Variants in PWWP2A observed in about 807,000 individuals in gnomAD.
PWWP2A encodes PWWP domain-containing protein 2A.
Under a neutral mutation model 48.5 loss-of-function variants are expected in PWWP2A, and 18 were observed. That is an observed-to-expected ratio of 0.37 (90% CI 0.26 to 0.55). The LOEUF (loss-of-function observed/expected upper bound fraction) is 0.55. PWWP2A is among the 20% of genes least tolerant of loss of function. PWWP2A has a pLI of 0.81. For synonymous variants in PWWP2A, 396 were observed against 387.7 expected (o/e 1.02, Z -0.25); for missense variants, 867 against 976.4 (o/e 0.89, Z 1.49).
chr5:160,112,266 G>C (rs1226611328), intron 1 of PWWP2A, among the ~76,000 whole-genome samples: 3 of 152,092 alleles, frequency 2.0e-5, no homozygotes, highest in Non-Finnish European at 4.4e-5. Flanking sequence ...TGTCATCCGG[G>C]CTAGAGTGCA....
At chr5:160,054,438 AC>A in the PWWP2A span, among the ~76,000 whole-genome samples, 1 of 151,920 alleles carries the variant, frequency 6.6e-6, no homozygotes, top group Admixed American at 6.6e-5. Context: ...ACATGGCAAG[AC>A]CCCCATCTCT....
At chr5:160,071,975 A>G (rs1172028296), downstream of PWWP2A, among the ~76,000 whole-genome samples, 1 of 152,240 alleles carries the variant, frequency 6.6e-6, no homozygotes, top group Non-Finnish European at 1.5e-5. Context: ...ATACAATCTT[A>G]GTCAAATCTC....
chr5:160,118,957 C>T lies in PWWP2A; in HGVS notation c.432G>A (p.Val144=). Residue 144 remains valine, a synonymous_variant, in exon 1 of 2, where the codon GTG becomes GTA. Coordinates refer to ENST00000307063, the MANE Select transcript of PWWP2A (RefSeq NM_001130864.2). ...CCGTGGAGTCCCCGCCCGCCGGCGG[C>T]ACGAGCGCCGGGGCTACGGGCTGAG... ...PLPQPVAPAL[V]PPAGGDSTVS... 1 of 1,598,702 alleles carries T rather than the reference C, an allele frequency of 6.3e-7. No individual in the cohort carries two copies. Among genetic ancestry groups the T allele is most frequent in the Non-Finnish European group, 8.5e-7 (1 of 1,174,248 alleles).
the PWWP2A span, chr5:160,049,608 T>G: frequency 6.2e-7 from 1 of 1,609,948 alleles, no homozygotes; most frequent in African/African-American, 1.3e-5. Context: ...TGGAAGACTA[T>G]AAATCTATAT....
downstream of PWWP2A, among the ~76,000 whole-genome samples, chr5:160,075,464 G>T (rs1561648980): frequency 1.3e-5 from 2 of 152,022 alleles, no homozygotes; most frequent in African/African-American, 4.8e-5. Context: ...TGATTCTTAG[G>T]TCAAACCCTT....
At chr5:160,090,536 G>C, downstream of PWWP2A, 1 of 983,744 alleles carries the variant, frequency 1.0e-6, no homozygotes, top group Non-Finnish European at 1.2e-6. Context: ...TTCTACTCAA[G>C]TGAAACATGT....
At chr5:160,090,668 G>T, downstream of PWWP2A, 1 of 972,562 alleles carries the variant, frequency 1.0e-6, no homozygotes, top group Non-Finnish European at 1.2e-6. Context: ...CAAGACTATT[G>T]ATTTTCAATC....
At chr5:160,100,775 T>C (rs1756192926) in intron 1 of PWWP2A, among the ~76,000 whole-genome samples, 1 of 152,206 alleles carries the variant, frequency 6.6e-6, no homozygotes, top group South Asian at 2.1e-4. Flanking sequence ...CTGGTTACGA[T>C]GTCAAAGTTT....
At chr5:160,111,764 T>C (rs113075793) in intron 1 of PWWP2A, among the ~76,000 whole-genome samples, 151 of 152,280 alleles carry the variant, frequency 9.9e-4, no homozygotes, top group African/African-American at 3.2e-3. Flanking sequence ...GTAGGGTTAA[T>C]TGATTATTCT....
chr5:160,071,361 A>G (rs774683768), downstream of PWWP2A, among the ~76,000 whole-genome samples: 10 of 152,096 alleles, frequency 6.6e-5, no homozygotes, highest in Admixed American at 2.0e-4. Flanking sequence ...CTGCCTGAAT[A>G]GATAGTGGGA....
intron 2 of PWWP2A, among the ~76,000 whole-genome samples, chr5:160,069,043 TTG>T (rs1753681716): frequency 6.6e-6 from 1 of 151,940 alleles, no homozygotes; most frequent in Admixed American, 6.6e-5. Flanking sequence ...TCCTAGCACT[TTG>T]GGAGGCTGAG....
At chr5:160,115,254 A>G (rs1436390016) in intron 1 of PWWP2A, among the ~76,000 whole-genome samples, 2 of 150,502 alleles carry the variant, frequency 1.3e-5, no homozygotes, top group Admixed American at 1.3e-4. Context: ...TCAAGGTTTC[A>G]TTTGGATGAA....
intron 2 of PWWP2A, among the ~76,000 whole-genome samples, chr5:160,083,135 T>C (rs989102712): frequency 6.6e-6 from 1 of 152,232 alleles, no homozygotes; most frequent in African/African-American, 2.4e-5. Context: ...CATCTTACAA[T>C]AGCCCTTCTG....
chr5:160,088,437 C>T (rs917463680), downstream of PWWP2A, among the ~76,000 whole-genome samples: 2 of 152,002 alleles, frequency 1.3e-5, no homozygotes, highest in African/African-American at 4.8e-5. Flanking sequence ...TTAATAGAGA[C>T]GGGGGTTTCG....
chr5:160,118,508 C>T (rs1156716374), intron 1 of PWWP2A, among the ~76,000 whole-genome samples: 1 of 152,000 alleles, frequency 6.6e-6, no homozygotes, highest in Non-Finnish European at 1.5e-5. Flanking sequence ...ACGGTGACTC[C>T]AGGCCAAGTC....
At chr5:160,110,325 A>G (rs1757430341) in intron 1 of PWWP2A, among the ~76,000 whole-genome samples, 1 of 152,154 alleles carries the variant, frequency 6.6e-6, no homozygotes, top group East Asian at 1.9e-4. Flanking sequence ...CAGTGACTGA[A>G]TATTTGATGA....
chr5:160,090,520 AAT>A (rs1754978437), downstream of PWWP2A: 1 of 984,306 alleles, frequency 1.0e-6, no homozygotes, highest in South Asian at 4.7e-5. Flanking sequence ...TGCAGGAAAG[AAT>A]ATGTTCTACT....
chr5:160,061,777 CAAAA>C (rs1333721396), downstream of PWWP2A: 1 of 151,850 alleles, frequency 6.6e-6, no homozygotes, highest in Non-Finnish European at 1.5e-5. Flanking sequence ...TTGGGTCATC[CAAAA>C]AACAGATGCC....
the PWWP2A span, among the ~76,000 whole-genome samples, chr5:160,046,419 G>A: frequency 6.6e-6 from 1 of 151,394 alleles, no homozygotes; most frequent in Non-Finnish European, 1.5e-5. Context: ...ATTCTCCTCT[G>A]TTAGCTTTTA....
Sources: allele counts gnomAD v4.1 joint callset (sites outside exome capture counted in the v4.1 genomes callset), GRCh38; gene constraint gnomAD v4.1.1; transcripts MANE v1.5; gene names NCBI Gene and HGNC (gene_info 2026-07-23, HGNC 2026-07-21).